Variants in KLF12 observed in about 807,000 individuals in gnomAD.
KLF12 encodes Krueppel-like factor 12.
In KLF12, 9 loss-of-function variants were observed where a neutral mutation model predicts 37.8. That is an observed-to-expected ratio of 0.24 (90% confidence interval 0.14 to 0.42). The LOEUF (loss-of-function observed/expected upper bound fraction) is 0.42, where lower values mean the gene tolerates loss of function less well. Among genes scored for constraint, KLF12 ranks in the 10% least tolerant of loss-of-function variants. The pLI, the probability that KLF12 is intolerant of heterozygous loss-of-function variation, is 1.00. For missense variants in KLF12, 411 were observed against 516.0 expected, an observed-to-expected ratio of 0.80 and a Z score of 1.97; for synonymous variants, 208 against 202.1, an observed-to-expected ratio of 1.03 and a Z score of -0.25.
chr13:74,235,970 G>A, the KLF12 span, among the ~76,000 whole-genome samples: 2 of 146,992 alleles, frequency 1.4e-5, no homozygotes, highest in South Asian at 2.1e-4. Flanking sequence ...TATACTTTAA[G>A]TTTTAGGGTA....
rs185896509 is a variant in KLF12, at chr13:73,793,035, G to A, written c.806+20117C>T. On this transcript the variant is annotated intron_variant, in intron 5 of 7. Transcript: ENST00000377669. ...TCAACTGTGCAATTTTATGTGAGTG[G>A]ACATCTGCAGACATGAATTTGAAAA... 2.2e-3 allele frequency among the ~76,000 whole-genome samples: 334 copies of A among 152,260 alleles called. 3 individuals are homozygous for A. The highest frequency in any genetic ancestry group is 0.014 in the Middle Eastern group (4 of 294).
intron 4 of KLF12, among the ~76,000 whole-genome samples, chr13:73,835,018 A>G (rs1884355919): frequency 6.6e-6 from 1 of 151,972 alleles, no homozygotes; most frequent in South Asian, 2.1e-4. Flanking sequence ...ATAGAGTCAC[A>G]TGCAAATGTA....
At chr13:73,850,386 A>G (rs546368847) in intron 3 of KLF12, among the ~76,000 whole-genome samples, 1 of 152,320 alleles carries the variant, frequency 6.6e-6, no homozygotes, top group South Asian at 2.1e-4. Context: ...ATGAATGTCA[A>G]ATGAATCTAA....
At chr13:74,177,380 GC>G in the KLF12 span, among the ~76,000 whole-genome samples, 1 of 152,158 alleles carries the variant, frequency 6.6e-6, no homozygotes, top group African/African-American at 2.4e-5. Context: ...TTTTATAAGT[GC>G]CTATTTTTGC....
intron 3 of KLF12, among the ~76,000 whole-genome samples, chr13:73,935,475 G>C (rs1889887245): frequency 1.3e-5 from 2 of 152,066 alleles, no homozygotes; most frequent in African/African-American, 4.8e-5. Flanking sequence ...AGGGAGAGGT[G>C]TTTGGGTCAT....
chr13:74,028,304 G>A (rs1240646912), intron 1 of KLF12, among the ~76,000 whole-genome samples: 1 of 152,150 alleles, frequency 6.6e-6, no homozygotes, highest in Non-Finnish European at 1.5e-5. Context: ...TTTAATTATG[G>A]TTGAAAACTG....
At chr13:73,918,540 T>C (rs978436588) in intron 3 of KLF12, among the ~76,000 whole-genome samples, 1 of 152,142 alleles carries the variant, frequency 6.6e-6, no homozygotes, top group Non-Finnish European at 1.5e-5. Flanking sequence ...ATTTTTATAC[T>C]TGATAAAAAA....
chr13:74,278,931 G>T, the KLF12 span, among the ~76,000 whole-genome samples: 202 of 152,294 alleles, frequency 1.3e-3, 1 homozygote, highest in African/African-American at 4.5e-3. Flanking sequence ...TCAATAAGAA[G>T]ATACCCCACC....
intron 6 of KLF12, among the ~76,000 whole-genome samples, chr13:73,738,448 G>A (rs960912748): frequency 1.1e-4 from 16 of 151,830 alleles, no homozygotes; most frequent in Admixed American, 4.6e-4. Flanking sequence ...CACCATACCC[G>A]GCCCATCACA....
At chr13:73,840,477 T>A (rs966763122) in intron 4 of KLF12, among the ~76,000 whole-genome samples, 2 of 152,042 alleles carry the variant, frequency 1.3e-5, no homozygotes, top group Non-Finnish European at 2.9e-5. Context: ...CATATCAAAT[T>A]TAACACGTCC....
chr13:74,056,336 T>A (rs757929866), intron 1 of KLF12, among the ~76,000 whole-genome samples: 4 of 152,212 alleles, frequency 2.6e-5, no homozygotes, highest in Non-Finnish European at 5.9e-5. Flanking sequence ...TTCTAAAGCA[T>A]CTGTTAGGGG....
intron 5 of KLF12, among the ~76,000 whole-genome samples, chr13:73,769,069 A>C (rs1039096982): frequency 6.6e-6 from 1 of 152,232 alleles, no homozygotes; most frequent in Non-Finnish European, 1.5e-5. Context: ...AATATGAAGC[A>C]TGTGGGTACT....
chr13:74,202,699 C>A, the KLF12 span, among the ~76,000 whole-genome samples: 1 of 152,102 alleles, frequency 6.6e-6, no homozygotes, highest in Admixed American at 6.6e-5. Context: ...GCTCCCTAAC[C>A]CCCATTCCAT....
chr13:74,046,681 T>C (rs1893556461), intron 1 of KLF12, among the ~76,000 whole-genome samples: 1 of 152,188 alleles, frequency 6.6e-6, no homozygotes, highest in African/African-American at 2.4e-5. Context: ...TTCTTAACTG[T>C]AGTTGTGACA....
At chr13:74,284,146 C>A in the KLF12 span, among the ~76,000 whole-genome samples, 1 of 152,230 alleles carries the variant, frequency 6.6e-6, no homozygotes, top group East Asian at 1.9e-4. Flanking sequence ...CATGAGCCAC[C>A]ATGCCCGGCC....
In KLF12 at chr13:74,049,972, T is replaced by TTTGTTG. The variant is rs3079826; in HGVS notation, c.-31-54925_-31-54920dup. On this transcript the variant is annotated intron_variant, in intron 1 of 7. Coordinates refer to ENST00000377669, the MANE Select transcript of KLF12 (RefSeq NM_007249.5). ...CCATGAGATTTCTGGTGATGGTGGT[T>TTTGTTG]TTGTTGTTGTTGTTGTTGTTGTTGT... Among the ~76,000 whole-genome samples the TTTGTTG allele has an allele frequency of 8.6e-3, 1,294 of 151,328 alleles. 17 individuals are homozygous for TTTGTTG. The highest frequency in any genetic ancestry group is 0.056 in the East Asian group (289 of 5,126).
At chr13:74,207,638 A>C in the KLF12 span, among the ~76,000 whole-genome samples, 1 of 152,120 alleles carries the variant, frequency 6.6e-6, no homozygotes, top group Non-Finnish European at 1.5e-5. Flanking sequence ...TCTCCCCTGC[A>C]CTCCAGCCTG....
chr13:74,086,114 T>TTTATTA (rs778902469), intron 1 of KLF12, among the ~76,000 whole-genome samples: 11 of 151,154 alleles, frequency 7.3e-5, no homozygotes, highest in Admixed American at 2.0e-4. Flanking sequence ...ATCACTAATT[T>TTTATTA]TTATTATTAT....
At chr13:74,185,138 A>G in the KLF12 span, among the ~76,000 whole-genome samples, 1 of 152,186 alleles carries the variant, frequency 6.6e-6, no homozygotes. Flanking sequence ...GATGGAGTTG[A>G]GGTACCCAAT....
Sources: gnomAD v4.1 joint callset for allele counts (sites outside exome capture counted in the v4.1 genomes callset) on GRCh38, gnomAD v4.1.1 for gene constraint, MANE v1.5 for transcripts, NCBI Gene and HGNC (gene_info 2026-07-23, HGNC 2026-07-21) for gene names.